The following SVIL variants were observed in gnomAD, a reference collection of about 807,000 sequenced individuals.
SVIL encodes the protein supervillin, also known as archvillin.
In SVIL, 101 loss-of-function variants were observed where a neutral mutation model predicts 240.4. The observed-to-expected ratio is 0.42, with a 90% confidence interval of 0.36 to 0.50. SVIL has a LOEUF of 0.50. Among genes scored for constraint, SVIL ranks in the 20% least tolerant of loss-of-function variants. The pLI is 0.01. For missense variants in SVIL, 2,512 were observed against 2,818.7 expected, an observed-to-expected ratio of 0.89 and a Z score of 2.46; for synonymous variants, 999 against 1,100.0, an observed-to-expected ratio of 0.91 and a Z score of 1.82.
intron 17 of SVIL, among the ~76,000 whole-genome samples, chr10:29,509,311 A>G: frequency 1.8e-5 from 2 of 110,138 alleles, no homozygotes; most frequent in Admixed American, 1.1e-4. Context: ...GGGAGAGAGA[A>G]AGGGAGAAGG....
At chr10:29,488,781 C>T (rs776991228) in intron 22 of SVIL, 25 bp from the exon 23 acceptor site, 6 of 1,603,558 alleles carry the variant, frequency 3.7e-6, no homozygotes, top group Admixed American at 1.7e-5. Flanking sequence ...TAAGGAAACA[C>T]AACGCAGGAG....
At chr10:29,498,984 G>GA (rs2132431957) in intron 18 of SVIL, 132 bp downstream of exon 18, 2 of 1,357,964 alleles carry the variant, frequency 1.5e-6, no homozygotes, top group Non-Finnish European at 2.0e-6. Flanking sequence ...CTGTCTCTTA[G>GA]AAAAAACTTA....
intron 1 of SVIL, among the ~76,000 whole-genome samples, chr10:29,615,088 G>C (rs1252336251): frequency 6.6e-6 from 1 of 152,142 alleles, no homozygotes; most frequent in Non-Finnish European, 1.5e-5. Context: ...AACACTAGTA[G>C]CTTCAGCGGC....
At chr10:29,504,014 G>C (rs1226787983) in intron 17 of SVIL, among the ~76,000 whole-genome samples, 2 of 152,200 alleles carry the variant, frequency 1.3e-5, no homozygotes, top group Admixed American at 1.3e-4. Context: ...TAGATCAATG[G>C]AATAGAGAGC....
chr10:29,620,122 A>G (rs1232485717), intron 1 of SVIL, among the ~76,000 whole-genome samples: 1 of 152,212 alleles, frequency 6.6e-6, no homozygotes, highest in African/African-American at 2.4e-5. Context: ...ATGGAGACAT[A>G]TTATGTATAT....
intron 2 of SVIL, among the ~76,000 whole-genome samples, chr10:29,677,385 C>T (rs763999327): frequency 3.3e-5 from 5 of 152,132 alleles, no homozygotes; most frequent in African/African-American, 4.8e-5. Context: ...CATGACCTAG[C>T]CCTGAATGCT....
At chr10:29,525,051 G>A (rs1389399166) in intron 13 of SVIL, among the ~76,000 whole-genome samples, 3 of 152,118 alleles carry the variant, frequency 2.0e-5, no homozygotes, top group Non-Finnish European at 2.9e-5. Flanking sequence ...AGAATGAAAG[G>A]GAGTCACAAA....
At chr10:29,554,478 T>C (rs1953709075) in intron 5 of SVIL, among the ~76,000 whole-genome samples, 1 of 151,934 alleles carries the variant, frequency 6.6e-6, no homozygotes, top group Non-Finnish European at 1.5e-5. Context: ...ACTCTGTCTC[T>C]ACAAAAATGT....
chr10:29,708,944 T>C (rs1296362582), intron 1 of SVIL, among the ~76,000 whole-genome samples: 1 of 150,964 alleles, frequency 6.6e-6, no homozygotes, highest in Non-Finnish European at 1.5e-5. Context: ...CAATGAAAAG[T>C]TCAATAGAAC....
At chr10:29,651,618 TTC>T (rs9299622) in intron 3 of SVIL, among the ~76,000 whole-genome samples, 3,706 of 135,136 alleles carry the variant, frequency 0.027, 92 homozygotes, top group African/African-American at 0.067. Context: ...GCCACATGCA[TTC>T]TCTCTCTCTC....
intron 17 of SVIL, among the ~76,000 whole-genome samples, chr10:29,511,343 A>T (rs1949820651): frequency 7.3e-6 from 1 of 137,514 alleles, no homozygotes; most frequent in South Asian, 2.3e-4. Flanking sequence ...TTTTGGCTTC[A>T]TTTAAATTTC....
At chr10:29,532,471 T>A (rs949045002) in intron 8 of SVIL, 58 bp downstream of exon 8, 1 of 1,550,092 alleles carries the variant, frequency 6.5e-7, no homozygotes, top group Non-Finnish European at 8.7e-7. Context: ...GAGGAGTGAA[T>A]CATTCTGCCA....
At chr10:29,654,032 C>T (rs1958922467) in intron 3 of SVIL, among the ~76,000 whole-genome samples, 1 of 151,998 alleles carries the variant, frequency 6.6e-6, no homozygotes, top group South Asian at 2.1e-4. Flanking sequence ...TTCTGGGTCC[C>T]TTGAATTTCC....
intron 6 of SVIL, among the ~76,000 whole-genome samples, chr10:29,539,073 T>C (rs151073154): frequency 6.6e-6 from 1 of 151,970 alleles, no homozygotes; most frequent in South Asian, 2.1e-4. Context: ...GCTGAGGCAG[T>C]AGGATCCTTT....
At chr10:29,561,584 A>ATTTTTTTTTTTTTTT (rs199711026) in intron 3 of SVIL, among the ~76,000 whole-genome samples, 1 of 144,616 alleles carries the variant, frequency 6.9e-6, no homozygotes. Flanking sequence ...CTCAGAGGAA[A>ATTTTTTTTTTTTTTT]TTTTTTTTTT....
In SVIL at chr10:29,520,320, A is replaced by G. The variant is rs1018187707; in HGVS notation, c.3389+2090T>C. The stretch of plus-strand genomic sequence containing the variant: ...GATCTCTCTTCTTCCTCACCTAACC[A>G]GTTGTCAATATTTGGGTTTCTGGGA... On this transcript the variant is annotated intron_variant, in intron 16 of 37. Coordinates refer to ENST00000355867, the MANE Select transcript of SVIL (RefSeq NM_021738.3). Among the ~76,000 whole-genome samples the G allele has an allele frequency of 3.3e-5, 5 of 152,232 alleles. No homozygotes were observed. The East Asian group carries it at 9.7e-4, about 30-fold the overall frequency.
chr10:29,679,000 G>C (rs1418253486), intron 2 of SVIL, among the ~76,000 whole-genome samples: 7 of 152,200 alleles, frequency 4.6e-5, no homozygotes, highest in African/African-American at 1.7e-4. Flanking sequence ...GAGGTCAGGA[G>C]TTCGAGACCA....
intron 16 of SVIL, among the ~76,000 whole-genome samples, chr10:29,520,951 C>T (rs1416439847): frequency 6.7e-6 from 1 of 149,672 alleles, no homozygotes; most frequent in Admixed American, 6.6e-5. Flanking sequence ...GGGCCAGGCA[C>T]GGTGGCTCAC....
chr10:29,691,472 A>G (rs1167489283), intron 1 of SVIL, among the ~76,000 whole-genome samples: 1 of 152,176 alleles, frequency 6.6e-6, no homozygotes, highest in Admixed American at 6.5e-5. Flanking sequence ...GGGCCTCCCA[A>G]AGTGCTGGGA....
Sources: gnomAD v4.1 joint callset for allele counts (sites outside exome capture counted in the v4.1 genomes callset) on GRCh38, gnomAD v4.1.1 for gene constraint, MANE v1.5 for transcripts, NCBI Gene and HGNC (gene_info 2026-07-23, HGNC 2026-07-21) for gene names.